Variants in PPARGC1B observed in about 807,000 individuals in gnomAD.
The protein encoded by PPARGC1B is peroxisome proliferator-activated receptor gamma coactivator 1-beta.
A neutral mutation model predicts 101.6 loss-of-function variants in PPARGC1B; 34 were observed. The ratio of observed to expected loss-of-function variants is 0.33; its 90% CI spans 0.25 to 0.45. The LOEUF (loss-of-function observed/expected upper bound fraction) is 0.45, where lower values mean the gene tolerates loss of function less well. Ranked by LOEUF, PPARGC1B falls within the 20% of genes least tolerant of loss-of-function variation. The pLI is 1.00. For synonymous variants in PPARGC1B, 548 were observed against 539.3 expected (o/e 1.02, Z -0.22); for missense variants, 1,234 against 1,317.6 (o/e 0.94, Z 0.98).
intron 1 of PPARGC1B, among the ~76,000 whole-genome samples, chr5:149,810,332 G>T (rs1264442304): frequency 6.6e-6 from 1 of 152,184 alleles, no homozygotes; most frequent in African/African-American, 2.4e-5. Flanking sequence ...GCCTTCCTGG[G>T]CCTGGGGCAG....
chr5:149,759,667 C>T (rs79077079), intron 1 of PPARGC1B, among the ~76,000 whole-genome samples: 2,800 of 152,312 alleles, frequency 0.018, 31 homozygotes, highest in Non-Finnish European at 0.028. Context: ...CCGGCTCCTT[C>T]CCTCATCCTC....
In PPARGC1B at chr5:149,832,263, C is replaced by T. The variant is rs1275216845; in HGVS notation, c.583-393C>T. Among the ~76,000 whole-genome samples the T allele has an allele frequency of 3.3e-5, 5 of 152,178 alleles. No homozygotes were observed. Among genetic ancestry groups the T allele is most frequent in the Non-Finnish European group, 5.9e-5 (4 of 68,034 alleles). ...AGCAGAGGTTGCAGTGGGCCGAGAT[C>T]GATGAATCCCCCAGTGCTCATTTGT... On this transcript the variant is annotated intron_variant, in intron 4 of 11. Coordinates refer to ENST00000309241, the MANE Select transcript of PPARGC1B (RefSeq NM_133263.4). The surrounding 1 kb of genome is among the most constrained non-coding windows in gnomAD (Gnocchi z 4.9).
intron 1 of PPARGC1B, among the ~76,000 whole-genome samples, chr5:149,780,731 T>C (rs543896088): frequency 6.6e-6 from 1 of 152,312 alleles, no homozygotes; most frequent in South Asian, 2.1e-4. Context: ...CAAACAGATA[T>C]GCTCTCAGAG....
At chr5:149,846,563 G>C (rs1040718165) in intron 11 of PPARGC1B, 1 of 153,578 alleles carries the variant, frequency 6.5e-6, no homozygotes, top group Non-Finnish European at 1.4e-5. Flanking sequence ...GAACCCAAGA[G>C]GTTGGAGCTG....
At chr5:149,842,108 G>A (rs1759365750) in intron 9 of PPARGC1B, 148 bp from the exon 10 acceptor site, 3 of 1,021,750 alleles carry the variant, frequency 2.9e-6, no homozygotes, top group Non-Finnish European at 4.2e-6. Context: ...GTAGAGATTG[G>A]CATTGTCCTC....
chr5:149,839,510 G>C (rs1442314600), intron 8 of PPARGC1B, among the ~76,000 whole-genome samples: 2 of 152,220 alleles, frequency 1.3e-5, no homozygotes, highest in Non-Finnish European at 2.9e-5. Context: ...GAAGCATGGA[G>C]CTGCAATGGC....
chr5:149,775,528 C>T (rs1756326730), intron 1 of PPARGC1B, among the ~76,000 whole-genome samples: 1 of 152,130 alleles, frequency 6.6e-6, no homozygotes. Context: ...AGAACGAATT[C>T]AGTCTCCACA....
In PPARGC1B at chr5:149,848,604, G is replaced by C. The variant is rs1270556342; in HGVS notation, c.*1046G>C. 6.6e-5 allele frequency: 10 copies of C among 152,276 alleles called. No individual in the cohort carries two copies. Among genetic ancestry groups the C allele is most frequent in the African/African-American group, 4.8e-5 (2 of 41,454 alleles). The allele number at this position is 152,276 out of a possible 1,614,324, so 9.4% of individuals were successfully genotyped here. A position where few individuals can be genotyped will look rare whatever the true frequency, so the allele number is the denominator to read the frequency against. On this transcript the variant is annotated 3_prime_UTR_variant, in exon 12 of 12. Coordinates refer to ENST00000309241, the MANE Select transcript of PPARGC1B (RefSeq NM_133263.4). Reference sequence around the variant, plus strand: ...ATTAGGTGTTGATTCACCAGCATCAGGTGAATTCAAGCCCTGGCATGTGTC... The same window carrying C: ...ATTAGGTGTTGATTCACCAGCATCACGTGAATTCAAGCCCTGGCATGTGTC...
At position 149,836,324 on chromosome 5, in the gene PPARGC1B, C is replaced by A. The variant is rs767833082; in HGVS notation, c.1869C>A (p.Asp623Glu). Reference sequence around the variant, plus strand: ...CAGAGGAGGATCCCTTCAAACCAGACATCAAGCATAGTCTAGGCAAAGAAA... The same window carrying A: ...CAGAGGAGGATCCCTTCAAACCAGAAATCAAGCATAGTCTAGGCAAAGAAA... ...KPTEEDPFKP[D>E]IKHSLGKEIA... The change falls in exon 8 of 12, where the codon GAC (aspartate) becomes GAA (glutamate). Residue 623 changes from aspartate (D) to glutamate (E), a missense_variant. By Grantham distance (45) the Asp-to-Glu change is conservative. Transcript: ENST00000309241. 9.9e-6 allele frequency: 16 copies of A among 1,613,220 alleles called. No homozygotes were observed. The highest frequency in any genetic ancestry group is 1.6e-4 in the Middle Eastern group (1 of 6,078).
At position 149,807,134 on chromosome 5, in the gene PPARGC1B, A is replaced by ATT. The variant is rs113728426; in HGVS notation, c.79-13286_79-13285dup. ...GCTACTGTGCCTGGCCAATTTTTGT[A>ATT]TTTTTTTTTTTTTTAGAGACAGGGT... On this transcript the variant is annotated intron_variant, in intron 1 of 11. Transcript: ENST00000309241. 2.0e-4 allele frequency among the ~76,000 whole-genome samples: 28 copies of ATT among 138,958 alleles called. 1 individual carries two copies. Among genetic ancestry groups the ATT allele is most frequent in the African/African-American group, 7.2e-4 (27 of 37,682 alleles). The allele number at this position is 138,958 out of a possible 152,430, so 91.2% of individuals were successfully genotyped here. A position where few individuals can be genotyped will look rare whatever the true frequency, so the allele number is the denominator to read the frequency against.
At chr5:149,759,716 C>T (rs1755653926) in intron 1 of PPARGC1B, among the ~76,000 whole-genome samples, 1 of 152,222 alleles carries the variant, frequency 6.6e-6, no homozygotes, top group Non-Finnish European at 1.5e-5. Context: ...AAATGACCCA[C>T]ATCCTTCACC....
At chr5:149,755,138 A>G (rs1000759919) in intron 1 of PPARGC1B, among the ~76,000 whole-genome samples, 11 of 149,962 alleles carry the variant, frequency 7.3e-5, no homozygotes, top group African/African-American at 2.7e-4. Context: ...CAAACTCCTA[A>G]CCTCAAGTGA....
chr5:149,809,558 T>C (rs984559693), intron 1 of PPARGC1B, among the ~76,000 whole-genome samples: 4 of 151,202 alleles, frequency 2.6e-5, no homozygotes, highest in Admixed American at 2.0e-4. Context: ...AGTGGTGGTG[T>C]GCACCTGTAG....
In PPARGC1B at chr5:149,730,445, C is replaced by T. The variant is rs998191300; in HGVS notation, c.78+25C>T. ...GGTACGGCCGGCTGGGGCTGCGGGCCCGGGGCCAGGGGTGCTGAGCTGCGG... is the reference window on the plus strand; with the variant it reads ...GGTACGGCCGGCTGGGGCTGCGGGCTCGGGGCCAGGGGTGCTGAGCTGCGG... On this transcript the variant is annotated intron_variant, in intron 1 of 11. Coordinates refer to ENST00000309241, the MANE Select transcript of PPARGC1B (RefSeq NM_133263.4). This position sits in a 1 kb window ranked among gnomAD's most constrained non-coding sequence, Gnocchi z 4.0. 3 of 1,525,194 alleles carry T rather than the reference C, an allele frequency of 2.0e-6. No individual in the cohort carries two copies. The highest frequency in any genetic ancestry group is 2.6e-6 in the Non-Finnish European group (3 of 1,135,952). 94.5% of individuals were successfully genotyped at this position (1,525,194 alleles called of 1,614,324 possible). A position where few individuals can be genotyped will look rare whatever the true frequency, so the allele number is the denominator to read the frequency against.
intron 4 of PPARGC1B, 55 bp downstream of exon 4, chr5:149,830,938 T>C: frequency 1.6e-6 from 2 of 1,236,470 alleles, no homozygotes; most frequent in Non-Finnish European, 2.4e-6. Flanking sequence ...GGCTGCAGCC[T>C]TCAGCTCTGG....
chr5:149,823,712 G>C (rs1758393626), intron 2 of PPARGC1B, among the ~76,000 whole-genome samples: 1 of 152,182 alleles, frequency 6.6e-6, no homozygotes, highest in African/African-American at 2.4e-5. Flanking sequence ...GGCAGGGATG[G>C]CTGCTCCTCC....
intron 1 of PPARGC1B, among the ~76,000 whole-genome samples, chr5:149,786,503 C>G (rs1756815228): frequency 6.6e-6 from 1 of 152,240 alleles, no homozygotes; most frequent in Admixed American, 6.5e-5. Context: ...TCCCGAAGTG[C>G]TGGGATTACA....
At chr5:149,756,663 A>T (rs970901900) in intron 1 of PPARGC1B, among the ~76,000 whole-genome samples, 4 of 151,950 alleles carry the variant, frequency 2.6e-5, no homozygotes, top group African/African-American at 7.3e-5. Context: ...CCCTAAGGAG[A>T]TTTGAGGGTT....
intron 10 of PPARGC1B, among the ~76,000 whole-genome samples, chr5:149,843,642 T>A (rs941509491): frequency 2.0e-5 from 3 of 152,134 alleles, no homozygotes; most frequent in Non-Finnish European, 4.4e-5. Context: ...CACTTACGGG[T>A]ATATATTCAG....
Sources: allele counts gnomAD v4.1 joint callset (sites outside exome capture counted in the v4.1 genomes callset), GRCh38; gene constraint gnomAD v4.1.1; non-coding constraint Gnocchi (gnomAD v3.1); transcripts MANE v1.5; gene names NCBI Gene and HGNC (gene_info 2026-07-23, HGNC 2026-07-21).